CELF4: variants seen among roughly 807,000 people sequenced by gnomAD.
The protein encoded by CELF4 is CUGBP Elav-like family member 4, also known as CUG-BP- and ETR-3-like factor 4.
Under a neutral mutation model 59.9 loss-of-function variants are expected in CELF4, and 18 were observed. The ratio of observed to expected loss-of-function variants is 0.30; its 90% confidence interval spans 0.21 to 0.45. The LOEUF (loss-of-function observed/expected upper bound fraction) is 0.45. Among genes scored for constraint, CELF4 ranks in the 20% least tolerant of loss-of-function variants. CELF4 has a pLI of 1.00. For missense variants in CELF4, 456 were observed against 689.0 expected (o/e 0.66, Z 3.79); for synonymous variants, 261 against 267.1 (o/e 0.98, Z 0.22).
intron 1 of CELF4, among the ~76,000 whole-genome samples, chr18:37,503,096 A>G (rs1603642842): frequency 2.0e-5 from 3 of 152,292 alleles, no homozygotes. Flanking sequence ...TGGAATGCTC[A>G]TGGTCACTCA....
intron 3 of CELF4, among the ~76,000 whole-genome samples, chr18:37,284,645 C>G (rs572428609): frequency 6.6e-6 from 1 of 152,362 alleles, no homozygotes; most frequent in East Asian, 1.9e-4. Context: ...CCACCTCCCT[C>G]CCCCGAGCTT....
At chr18:37,280,822 C>A (rs892428907) in intron 3 of CELF4, among the ~76,000 whole-genome samples, 1 of 152,242 alleles carries the variant, frequency 6.6e-6, no homozygotes, top group African/African-American at 2.4e-5. Flanking sequence ...TTTCCACCAA[C>A]GCATACATCA....
intron 3 of CELF4, among the ~76,000 whole-genome samples, chr18:37,320,826 T>C (rs80322856): frequency 0.017 from 2,596 of 152,254 alleles, 39 homozygotes; most frequent in Middle Eastern, 0.034. Context: ...CTGCACATTC[T>C]TCTACCCTAT....
chr18:37,292,876 A>G (rs1219074184), intron 3 of CELF4, among the ~76,000 whole-genome samples: 6 of 152,252 alleles, frequency 3.9e-5, no homozygotes, highest in Non-Finnish European at 7.3e-5. Flanking sequence ...CTGGTATTTT[A>G]TACAGTAAAT....
chr18:37,564,063 G>GGTGTGC (rs1232344761), intron 1 of CELF4, among the ~76,000 whole-genome samples: 2 of 152,088 alleles, frequency 1.3e-5, no homozygotes, highest in African/African-American at 4.8e-5. Context: ...TGTGGGGGTG[G>GGTGTGC]GTGTGCGTGT....
chr18:37,275,631 G>A, intron 3 of CELF4: 1 of 253,046 alleles, frequency 4.0e-6, no homozygotes. Flanking sequence ...CGTCTCACAT[G>A]CTATCCTCTA....
At chr18:37,409,871 CT>C (rs1457139901) in intron 2 of CELF4, among the ~76,000 whole-genome samples, 1 of 152,200 alleles carries the variant, frequency 6.6e-6, no homozygotes. Flanking sequence ...TCTGGGCTCC[CT>C]GGGGCACTGC....
At chr18:37,284,883 A>G (rs2094575221) in intron 3 of CELF4, among the ~76,000 whole-genome samples, 1 of 152,210 alleles carries the variant, frequency 6.6e-6, no homozygotes, top group Non-Finnish European at 1.5e-5. Context: ...ACACCCAGTC[A>G]CTGGTGAAGG....
At chr18:37,369,685 A>C (rs1225590624) in intron 2 of CELF4, among the ~76,000 whole-genome samples, 1 of 152,186 alleles carries the variant, frequency 6.6e-6, no homozygotes, top group African/African-American at 2.4e-5. Context: ...CCCAGTGCCA[A>C]AGAATTAACT....
At chr18:37,317,255 C>T (rs557790976) in intron 3 of CELF4, among the ~76,000 whole-genome samples, 12 of 152,272 alleles carry the variant, frequency 7.9e-5, no homozygotes, top group African/African-American at 2.2e-4. Context: ...GGCGTGGTGG[C>T]GCACACTTGT....
At chr18:37,344,727 C>T (rs937733742) in intron 2 of CELF4, among the ~76,000 whole-genome samples, 11 of 152,178 alleles carry the variant, frequency 7.2e-5, no homozygotes, top group Non-Finnish European at 1.2e-4. Context: ...AGAGGGTTTT[C>T]AGAGGCATGC....
intron 3 of CELF4, among the ~76,000 whole-genome samples, chr18:37,297,754 T>A (rs1289742954): frequency 6.6e-6 from 1 of 152,230 alleles, no homozygotes; most frequent in African/African-American, 2.4e-5. Context: ...CTTTCACCAC[T>A]TTTTGGTTCT....
intron 1 of CELF4, among the ~76,000 whole-genome samples, chr18:37,488,474 C>T (rs2099886980): frequency 6.6e-6 from 1 of 152,188 alleles, no homozygotes; most frequent in Admixed American, 6.5e-5. Context: ...AGAAATGGTG[C>T]TCAGAGGCTA....
Position 37,256,680 on chromosome 18 carries a change from G to A in CELF4, c.1333+2501C>T, listed in dbSNP as rs897731685. Among the ~76,000 whole-genome samples, 4 of 152,002 alleles carry A rather than the reference G, an allele frequency of 2.6e-5. No individual in the cohort carries two copies. The South Asian group carries it at 6.2e-4, about 24-fold the overall frequency. ...GGCTAACAGCAACCTCCCTTCCTGGGTTCAAGCAGTTCTCCTGCCTCTACC... is the reference window on the plus strand; with the variant it reads ...GGCTAACAGCAACCTCCCTTCCTGGATTCAAGCAGTTCTCCTGCCTCTACC... On this transcript the variant is annotated intron_variant, in intron 11 of 12. Coordinates refer to ENST00000420428, the MANE Select transcript of CELF4 (RefSeq NM_020180.4).
chr18:37,396,304 A>G (rs925261365), intron 2 of CELF4, among the ~76,000 whole-genome samples: 4 of 152,194 alleles, frequency 2.6e-5, no homozygotes, highest in African/African-American at 9.6e-5. Flanking sequence ...GCCTGTGACC[A>G]CACAGCACAT....
At chr18:37,383,215 G>A (rs562782085) in intron 2 of CELF4, among the ~76,000 whole-genome samples, 10 of 152,268 alleles carry the variant, frequency 6.6e-5, no homozygotes, top group East Asian at 1.9e-4. Context: ...GCCAGGAGGC[G>A]CTGAGAAAGG....
intron 2 of CELF4, among the ~76,000 whole-genome samples, chr18:37,386,919 ACTCT>A (rs957335796): frequency 1.3e-5 from 2 of 152,072 alleles, no homozygotes; most frequent in African/African-American, 4.8e-5. Flanking sequence ...ACAAGTTTGT[ACTCT>A]CTCTCAGTGA....
At chr18:37,330,162 C>T (rs1459803295) in intron 2 of CELF4, among the ~76,000 whole-genome samples, 2 of 152,152 alleles carry the variant, frequency 1.3e-5, no homozygotes, top group Non-Finnish European at 2.9e-5. Flanking sequence ...CTCCAGAGAC[C>T]CCGCCCTCCA....
At chr18:37,373,807 G>A (rs904756104) in intron 2 of CELF4, among the ~76,000 whole-genome samples, 6 of 152,186 alleles carry the variant, frequency 3.9e-5, no homozygotes, top group African/African-American at 1.4e-4. Context: ...GTCCCTCGTG[G>A]GAGTGCTCCC....
Sources: allele counts gnomAD v4.1 joint callset (sites outside exome capture counted in the v4.1 genomes callset), GRCh38; gene constraint gnomAD v4.1.1; transcripts MANE v1.5; gene names NCBI Gene and HGNC (gene_info 2026-07-23, HGNC 2026-07-21).